Variants in NKAIN2 observed in about 807,000 individuals in gnomAD.
The protein encoded by NKAIN2 is sodium/potassium transporting ATPase interacting 2.
NKAIN2 carries 14 observed loss-of-function variants against 32.6 expected under a neutral mutation model. The observed-to-expected ratio is 0.43, with a 90% CI of 0.28 to 0.67. The LOEUF is 0.67. Ranked by LOEUF, NKAIN2 falls within the 30% of genes least tolerant of loss-of-function variation. NKAIN2 has a pLI of 0.17. For missense variants in NKAIN2, 198 were observed against 258.3 expected, an observed-to-expected ratio of 0.77 and a Z score of 1.60; for synonymous variants, 80 against 87.2, an observed-to-expected ratio of 0.92 and a Z score of 0.46.
chr6:124,330,109 A>G (rs1475350069), intron 2 of NKAIN2, among the ~76,000 whole-genome samples: 3 of 152,208 alleles, frequency 2.0e-5, no homozygotes, highest in African/African-American at 7.2e-5. Flanking sequence ...CTGTGGCTAA[A>G]TGTGCCATCC....
At chr6:124,098,616 A>G (rs1396301870) in intron 1 of NKAIN2, among the ~76,000 whole-genome samples, 1 of 152,140 alleles carries the variant, frequency 6.6e-6, no homozygotes, top group Non-Finnish European at 1.5e-5. Flanking sequence ...CACACCTGTA[A>G]TCCCAGCACT....
At chr6:124,807,951 G>A (rs1051198535) in intron 5 of NKAIN2, among the ~76,000 whole-genome samples, 20 of 147,908 alleles carry the variant, frequency 1.4e-4, no homozygotes, top group African/African-American at 2.9e-4. Flanking sequence ...TTGAATCTCC[G>A]AATAGACCAA....
chr6:123,941,934 G>A (rs1395756894), intron 1 of NKAIN2, among the ~76,000 whole-genome samples: 1 of 151,720 alleles, frequency 6.6e-6, no homozygotes, highest in Non-Finnish European at 1.5e-5. Flanking sequence ...AGTTTGACTT[G>A]ACTTTATACT....
At chr6:123,998,953 G>C (rs909076867) in intron 1 of NKAIN2, among the ~76,000 whole-genome samples, 7 of 151,672 alleles carry the variant, frequency 4.6e-5, no homozygotes, top group Admixed American at 2.0e-4. Flanking sequence ...CATTATTGAA[G>C]GTTTTATAGC....
At position 123,822,323 on chromosome 6, in the gene NKAIN2, C is replaced by T. The variant is rs181671444; in HGVS notation, c.54+18069C>T. ...AAGGCCTAGTTCTTTATTTGCTATT[C>T]GTCTTTAAGTTTTGCTATTAGAATT... On this transcript the variant is annotated intron_variant, in intron 1 of 6. Transcript: ENST00000368417. Among the ~76,000 whole-genome samples the T allele has an allele frequency of 9.7e-3, 1,467 of 152,016 alleles. 38 individuals are homozygous for T. Among genetic ancestry groups the T allele is most frequent in the South Asian group, 0.012 (56 of 4,810 alleles).
At chr6:124,366,880 A>T (rs1379866728) in intron 3 of NKAIN2, among the ~76,000 whole-genome samples, 1 of 151,718 alleles carries the variant, frequency 6.6e-6, no homozygotes, top group Non-Finnish European at 1.5e-5. Flanking sequence ...GTAAGCTGAG[A>T]TCGTGCCACT....
intron 1 of NKAIN2, among the ~76,000 whole-genome samples, chr6:123,882,408 C>T (rs929262623): frequency 6.6e-6 from 1 of 152,080 alleles, no homozygotes; most frequent in Non-Finnish European, 1.5e-5. Context: ...ACAATTATTT[C>T]ATCTTGATTT....
At chr6:124,014,289 C>G (rs1423878691) in intron 1 of NKAIN2, among the ~76,000 whole-genome samples, 1 of 152,086 alleles carries the variant, frequency 6.6e-6, no homozygotes, top group Non-Finnish European at 1.5e-5. Context: ...CAAATATATA[C>G]TTGCATTTGG....
chr6:124,312,111 C>T (rs1020564897), intron 2 of NKAIN2, among the ~76,000 whole-genome samples: 8 of 152,082 alleles, frequency 5.3e-5, no homozygotes, highest in Non-Finnish European at 1.2e-4. Flanking sequence ...TATTTAGCAT[C>T]GCTTTCTCTT....
At chr6:124,304,974 T>C (rs1038232448) in intron 2 of NKAIN2, among the ~76,000 whole-genome samples, 13 of 152,020 alleles carry the variant, frequency 8.6e-5, no homozygotes, top group African/African-American at 2.9e-4. Context: ...ACTTACATAA[T>C]GTCAGGAATT....
intron 1 of NKAIN2, among the ~76,000 whole-genome samples, chr6:124,227,564 T>C (rs1310478526): frequency 6.6e-6 from 1 of 152,190 alleles, no homozygotes; most frequent in Non-Finnish European, 1.5e-5. Flanking sequence ...GTTATAATTT[T>C]AAATTTGGGG....
At chr6:124,602,451 T>A (rs746662587) in intron 3 of NKAIN2, among the ~76,000 whole-genome samples, 1 of 151,996 alleles carries the variant, frequency 6.6e-6, no homozygotes, top group Non-Finnish European at 1.5e-5. Context: ...CTTTATAATC[T>A]GTTATAAATC....
intron 4 of NKAIN2, among the ~76,000 whole-genome samples, chr6:124,722,439 A>T (rs376636392): frequency 6.6e-6 from 1 of 152,300 alleles, no homozygotes; most frequent in Admixed American, 6.5e-5. Flanking sequence ...CAATTTTTCA[A>T]CAGATGGGAC....
chr6:123,963,323 G>A (rs187282541), intron 1 of NKAIN2, among the ~76,000 whole-genome samples: 39 of 152,262 alleles, frequency 2.6e-4, no homozygotes, highest in Middle Eastern at 6.8e-3. Flanking sequence ...ATTGCCTCAC[G>A]AGAAAAATTA....
intron 1 of NKAIN2, among the ~76,000 whole-genome samples, chr6:124,139,500 A>C (rs961354074): frequency 2.6e-5 from 4 of 152,242 alleles, no homozygotes; most frequent in Non-Finnish European, 5.9e-5. Context: ...AAGCTAGTTT[A>C]TATTATTCAG....
chr6:124,682,842 C>T (rs1365225466), intron 4 of NKAIN2, among the ~76,000 whole-genome samples: 2 of 152,120 alleles, frequency 1.3e-5, no homozygotes, highest in African/African-American at 4.8e-5. Context: ...AATCACCCTA[C>T]ATATGGAAGG....
At chr6:124,130,877 A>C (rs368656643) in intron 1 of NKAIN2, among the ~76,000 whole-genome samples, 7 of 152,318 alleles carry the variant, frequency 4.6e-5, no homozygotes, top group African/African-American at 1.7e-4. Context: ...ATGTAAAGTC[A>C]GGAAAATTCC....
intron 1 of NKAIN2, among the ~76,000 whole-genome samples, chr6:124,219,438 C>T (rs142339551): frequency 0.023 from 3,562 of 151,704 alleles, 135 homozygotes; most frequent in African/African-American, 0.082. Context: ...CCACCACATC[C>T]GACTAATTTT....
chr6:124,129,161 T>G (rs933492468), intron 1 of NKAIN2, among the ~76,000 whole-genome samples: 5 of 152,202 alleles, frequency 3.3e-5, no homozygotes, highest in African/African-American at 9.7e-5. Flanking sequence ...GACATAACTT[T>G]TCATCATTAT....
Sources: allele counts gnomAD v4.1 joint callset (sites outside exome capture counted in the v4.1 genomes callset), GRCh38; gene constraint gnomAD v4.1.1; transcripts MANE v1.5; gene names NCBI Gene and HGNC (gene_info 2026-07-23, HGNC 2026-07-21).